The following KCNH1 variants were observed in gnomAD, a reference collection of about 807,000 sequenced individuals.
KCNH1 encodes voltage-gated delayed rectifier potassium channel KCNH1.
A neutral mutation model predicts 69.2 loss-of-function variants in KCNH1; 27 were observed. The ratio of observed to expected loss-of-function variants is 0.39; its 90% CI spans 0.29 to 0.54. The LOEUF (loss-of-function observed/expected upper bound fraction) is 0.54, where lower values mean the gene tolerates loss of function less well. KCNH1 is among the 20% of genes least tolerant of loss of function. The pLI is 0.68. For synonymous variants in KCNH1, 456 were observed against 487.7 expected, an observed-to-expected ratio of 0.93 and a Z score of 0.86; for missense variants, 798 against 1,261.6, an observed-to-expected ratio of 0.63 and a Z score of 5.57.
At chr1:210,722,847 G>T (rs947082995) in intron 10 of KCNH1, among the ~76,000 whole-genome samples, 2 of 152,172 alleles carry the variant, frequency 1.3e-5, no homozygotes, top group Non-Finnish European at 2.9e-5. Context: ...ATAATGGGTA[G>T]AGAACAGCCT....
intron 1 of KCNH1, among the ~76,000 whole-genome samples, chr1:211,116,599 T>G (rs1235288916): frequency 2.6e-5 from 4 of 152,176 alleles, no homozygotes; most frequent in Non-Finnish European, 5.9e-5. Flanking sequence ...ACTTTTACCT[T>G]CATAATCAGA....
intron 6 of KCNH1, among the ~76,000 whole-genome samples, chr1:210,975,729 C>A (rs1688595216): frequency 6.6e-6 from 1 of 152,118 alleles, no homozygotes; most frequent in Non-Finnish European, 1.5e-5. Context: ...GCAATGGCAA[C>A]AAAAGCCAAA....
chr1:210,820,434 G>C (rs1038342422), intron 7 of KCNH1, among the ~76,000 whole-genome samples: 1 of 152,092 alleles, frequency 6.6e-6, no homozygotes, highest in Non-Finnish European at 1.5e-5. Flanking sequence ...AGGAGTTCAA[G>C]ACCAGCCTGG....
chr1:211,060,482 T>C (rs1417713020), intron 5 of KCNH1, among the ~76,000 whole-genome samples: 1 of 108,282 alleles, frequency 9.2e-6, no homozygotes, highest in Non-Finnish European at 2.0e-5. Flanking sequence ...ATAATAAAGA[T>C]CAGAATAGAA....
At chr1:211,057,517 T>C (rs1486394928) in intron 5 of KCNH1, among the ~76,000 whole-genome samples, 2 of 152,042 alleles carry the variant, frequency 1.3e-5, no homozygotes, top group Non-Finnish European at 2.9e-5. Flanking sequence ...CGTTTGCTTG[T>C]AGTCCCAGTT....
At chr1:210,979,110 G>C (rs1325710262) in intron 6 of KCNH1, among the ~76,000 whole-genome samples, 1 of 152,104 alleles carries the variant, frequency 6.6e-6, no homozygotes, top group Non-Finnish European at 1.5e-5. Flanking sequence ...AATGCTGGTG[G>C]GTGTGGACAT....
chr1:210,838,251 C>T (rs1316500985), intron 7 of KCNH1, among the ~76,000 whole-genome samples: 2 of 152,094 alleles, frequency 1.3e-5, no homozygotes, highest in Admixed American at 1.3e-4. Context: ...GGAAAGTATT[C>T]CCTATTTAAT....
chr1:210,956,019 G>A (rs1688168141), intron 6 of KCNH1, among the ~76,000 whole-genome samples: 1 of 152,128 alleles, frequency 6.6e-6, no homozygotes, highest in African/African-American at 2.4e-5. Flanking sequence ...TGCCCATTCA[G>A]TATGATATTG....
chr1:210,971,376 T>C (rs1230435857), intron 6 of KCNH1, among the ~76,000 whole-genome samples: 2 of 152,192 alleles, frequency 1.3e-5, no homozygotes, highest in Admixed American at 1.3e-4. Context: ...TCACACTAGC[T>C]CAAGAAAGCA....
At chr1:211,004,896 C>G (rs1329812189) in intron 6 of KCNH1, among the ~76,000 whole-genome samples, 1 of 151,974 alleles carries the variant, frequency 6.6e-6, no homozygotes, top group Admixed American at 6.6e-5. Context: ...GATAGACACA[C>G]TTCACAATGT....
intron 6 of KCNH1, among the ~76,000 whole-genome samples, chr1:210,988,038 T>C (rs1688874035): frequency 6.6e-6 from 1 of 152,204 alleles, no homozygotes; most frequent in South Asian, 2.1e-4. Flanking sequence ...CAGACTGCTG[T>C]GCTAGTAATG....
chr1:210,743,428 C>T (rs1683081963), intron 10 of KCNH1, among the ~76,000 whole-genome samples: 1 of 152,160 alleles, frequency 6.6e-6, no homozygotes, highest in Admixed American at 6.5e-5. Context: ...TCCTGATCAC[C>T]ACCTTAGCCT....
chr1:211,038,376 G>A (rs535498110), intron 5 of KCNH1, among the ~76,000 whole-genome samples: 2 of 152,162 alleles, frequency 1.3e-5, no homozygotes, highest in Non-Finnish European at 2.9e-5. Flanking sequence ...TCTCAGGTAT[G>A]TCTTTATCAG....
intron 6 of KCNH1, among the ~76,000 whole-genome samples, chr1:210,984,508 C>A (rs190902117): frequency 2.0e-5 from 3 of 152,146 alleles, no homozygotes; most frequent in Non-Finnish European, 2.9e-5. Context: ...TGTCAAAGGT[C>A]TTTTCTGCAT....
chr1:211,006,752 T>TA (rs1409753715), intron 6 of KCNH1, among the ~76,000 whole-genome samples: 1 of 152,008 alleles, frequency 6.6e-6, no homozygotes, highest in Admixed American at 6.5e-5. Context: ...ATAAAAAAGT[T>TA]AAAAAAAGGA....
chr1:211,087,108 T>C (rs575632239), intron 4 of KCNH1, among the ~76,000 whole-genome samples: 1 of 152,294 alleles, frequency 6.6e-6, no homozygotes, highest in South Asian at 2.1e-4. Flanking sequence ...CTATTACTAT[T>C]TCTCCCATGT....
chr1:210,798,031 G>A (rs956652385), intron 8 of KCNH1, among the ~76,000 whole-genome samples: 3 of 143,620 alleles, frequency 2.1e-5, no homozygotes, highest in East Asian at 2.0e-4. Flanking sequence ...GGCTTCTCTG[G>A]GAAGGTGACT....
chr1:210,986,351 A>G (rs1688834167), intron 6 of KCNH1, among the ~76,000 whole-genome samples: 1 of 152,172 alleles, frequency 6.6e-6, no homozygotes, highest in Non-Finnish European at 1.5e-5. Context: ...TATTTTGCTC[A>G]TTAGTTGATG....
intron 5 of KCNH1, among the ~76,000 whole-genome samples, chr1:211,029,189 CA>C (rs1689737464): frequency 7.3e-6 from 1 of 136,136 alleles, no homozygotes; most frequent in Non-Finnish European, 1.6e-5. Context: ...AAAAAAAGGT[CA>C]GGGGTGGTGG....
Sources: allele counts gnomAD v4.1 joint callset (sites outside exome capture counted in the v4.1 genomes callset), GRCh38; gene constraint gnomAD v4.1.1; transcripts MANE v1.5; gene names NCBI Gene and HGNC (gene_info 2026-07-23, HGNC 2026-07-21).